MR1: variants seen among roughly 807,000 people sequenced by gnomAD.
The protein encoded by MR1 is major histocompatibility complex, class I-related.
In MR1, 44 loss-of-function variants were observed where a neutral mutation model predicts 37.8. The ratio of observed to expected loss-of-function variants is 1.16; its 90% CI spans 0.91 to 1.50. The LOEUF is 1.50. MR1 is among the 40% of genes most tolerant of loss of function. MR1 has a pLI of 0.00. For synonymous variants in MR1, 153 were observed against 155.8 expected (o/e 0.98, Z 0.13); for missense variants, 386 against 419.1 (o/e 0.92, Z 0.69).
At chr1:181,037,043 T>G (rs960177557) in intron 1 of MR1, 32 of 152,366 alleles carry the variant, frequency 2.1e-4, no homozygotes, top group African/African-American at 7.7e-4. Context: ...GTAATCAGAC[T>G]GGGGGCTGGC....
rs116404202 is a variant in MR1, at chr1:181,043,546, C to T, written c.68-5506C>T. Among the ~76,000 whole-genome samples the T allele has an allele frequency of 9.3e-3, 1,384 of 149,484 alleles. 19 individuals are homozygous for T. The highest frequency in any genetic ancestry group is 0.034 in the African/African-American group (1,333 of 39,732). On this transcript the variant is annotated intron_variant, in intron 1 of 5. Coordinates refer to ENST00000367580, the MANE Select transcript of MR1 (RefSeq NM_001385161.1). ...GAGACCAGCCTGGGCAACACAGACC[C>T]TGTCTCTATTAAAAAGAAGTGGTGA...
intron 1 of MR1, among the ~76,000 whole-genome samples, chr1:181,036,508 G>A (rs6692913): frequency 0.29 from 44,821 of 152,060 alleles, 6,885 homozygotes; most frequent in Non-Finnish European, 0.33. Context: ...AGCCCTGAGT[G>A]GGAGCTATAT....
intron 3 of MR1, 81 bp from the exon 4 acceptor site, chr1:181,052,154 A>G (rs773809410): frequency 3.2e-5 from 47 of 1,485,112 alleles, no homozygotes; most frequent in Non-Finnish European, 4.2e-5. Context: ...AAGAAAAATT[A>G]GGAAAGCCAG....
Position 181,060,093 on chromosome 1 carries a change from C to T in MR1, c.*4828C>T, listed in dbSNP as rs118029207. On this transcript the variant is annotated 3_prime_UTR_variant, in exon 6 of 6. Transcript: ENST00000367580. ...TGAAGTGTTGGCAGAAACATGCTGCCTCTAAAGGGACTGGGAAAGGATCTG... is the reference window on the plus strand; with the variant it reads ...TGAAGTGTTGGCAGAAACATGCTGCTTCTAAAGGGACTGGGAAAGGATCTG... The T allele has an allele frequency of 1.3e-5, 2 of 152,134 alleles. No individual in the cohort carries two copies. The highest frequency in any genetic ancestry group is 3.9e-4 in the East Asian group (2 of 5,148). 9.4% of individuals were successfully genotyped at this position (152,134 alleles called of 1,614,324 possible).
chr1:181,037,716 A>C (rs1375657472), intron 1 of MR1, among the ~76,000 whole-genome samples: 1 of 152,234 alleles, frequency 6.6e-6, no homozygotes, highest in Non-Finnish European at 1.5e-5. Flanking sequence ...TATACATATT[A>C]AGTCACATTT....
chr1:181,045,493 C>T (rs189937977), intron 1 of MR1, among the ~76,000 whole-genome samples: 2 of 152,196 alleles, frequency 1.3e-5, no homozygotes, highest in African/African-American at 4.8e-5. Flanking sequence ...CTCCTGCTTG[C>T]ACATGTGGTC....
In MR1 at chr1:181,038,061, C is replaced by A. The variant is rs558565656; in HGVS notation, c.67+3987C>A. On this transcript the variant is annotated intron_variant, in intron 1 of 5. Transcript: ENST00000367580. ...TTATATATGTATTTATTGCCAATCT[C>A]CTGTCTAGAAATTATCTCACAGGGC... Among the ~76,000 whole-genome samples, 155 of 152,336 alleles carry A rather than the reference C, an allele frequency of 1.0e-3. 1 individual carries two copies. In the South Asian group the frequency reaches 0.02, roughly 20 times the overall value.
At chr1:181,047,618 C>T (rs963754359) in intron 1 of MR1, among the ~76,000 whole-genome samples, 1 of 144,840 alleles carries the variant, frequency 6.9e-6, no homozygotes, top group Non-Finnish European at 1.5e-5. Flanking sequence ...AATAAATAGG[C>T]TGGGCACGGT....
Position 181,052,538 on chromosome 1 carries a change from G to T in MR1, c.880+28G>T, listed in dbSNP as rs1187305643. On this transcript the variant is annotated intron_variant, in intron 4 of 5. Transcript: ENST00000367580. ...AAGGACGGGGATCGTGGCTGTCTAG[G>T]GAGAGAGCCTGGAGAAAGGGGTGAG... 2.5e-6 allele frequency: 4 copies of T among 1,600,934 alleles called. No individual in the cohort carries two copies. In the East Asian group the frequency reaches 6.7e-5, roughly 27 times the overall value.
At chr1:181,033,943 C>A (rs1204201068), upstream of MR1, 3 of 1,422,666 alleles carry the variant, frequency 2.1e-6, no homozygotes, top group African/African-American at 2.9e-5. Context: ...CCTTGTGTGT[C>A]ACCAAGAGGT....
At position 181,049,038 on chromosome 1, in the gene MR1, T is replaced by C. The variant is rs1658112528; in HGVS notation, c.68-14T>C. The stretch of plus-strand genomic sequence containing the variant: ...TGGGACCCTACATGTCTTCCTTCTT[T>C]GCCTCCTTTCCAGGGACGCACTCTC... On this transcript the variant is annotated splice_polypyrimidine_tract_variant and intron_variant, in intron 1 of 5. Coordinates refer to ENST00000367580, the MANE Select transcript of MR1 (RefSeq NM_001385161.1). 2 of 1,610,866 alleles carry C rather than the reference T, an allele frequency of 1.2e-6. No homozygotes were observed. Among genetic ancestry groups the C allele is most frequent in the African/African-American group, 1.3e-5 (1 of 74,840 alleles).
At chr1:181,037,191 C>G (rs547726162) in intron 1 of MR1, 1 of 152,312 alleles carries the variant, frequency 6.6e-6, no homozygotes, top group East Asian at 1.9e-4. Flanking sequence ...TGGTGGAGTC[C>G]TTCACAGGCG....
chr1:181,052,115 A>G lies in MR1; in HGVS notation c.605-120A>G, dbSNP rs573659546. 4.3e-6 allele frequency: 5 copies of G among 1,158,298 alleles called. No individual in the cohort carries two copies. The Admixed American group carries it at 1.3e-4, about 31-fold the overall frequency. 71.8% of individuals were successfully genotyped at this position (1,158,298 alleles called of 1,614,324 possible). A position where few individuals can be genotyped will look rare whatever the true frequency, so the allele number is the denominator to read the frequency against. ...TGTTGATGAACCTGAGTTCTGGGTC[A>G]TTCTTAGCTTTAGAAGTTTCCTGCA... On this transcript the variant is annotated intron_variant, in intron 3 of 5. Transcript: ENST00000367580.
At position 181,055,289 on chromosome 1, in the gene MR1, CT is replaced by C. The variant is rs771831095; in HGVS notation, c.*25del. The C allele has an allele frequency of 3.7e-6, 6 of 1,603,428 alleles. No individual in the cohort carries two copies. Among genetic ancestry groups the C allele is most frequent in the Non-Finnish European group, 5.1e-6 (6 of 1,170,498 alleles). ...GATTGCAGATCCCTCTTTTCCAGTT[CT>C]CCTTCCTCTAGGAGCCATGTTATCC... On this transcript the variant is annotated 3_prime_UTR_variant, in exon 6 of 6. Transcript: ENST00000367580.
intron 3 of MR1, among the ~76,000 whole-genome samples, chr1:181,051,424 C>A (rs1658314836): frequency 6.6e-6 from 1 of 152,014 alleles, no homozygotes; most frequent in Admixed American, 6.6e-5. Flanking sequence ...GGTAAAGAGA[C>A]AAGGAAAGCA....
At chr1:181,036,058 G>A (rs1266864110) in intron 1 of MR1, among the ~76,000 whole-genome samples, 1 of 152,012 alleles carries the variant, frequency 6.6e-6, no homozygotes, top group Admixed American at 6.6e-5. Context: ...TGAAAGGAGA[G>A]ATGTCAGAGA....
Position 181,038,634 on chromosome 1 carries a change from G to A in MR1, c.67+4560G>A, listed in dbSNP as rs141146556. 1.9e-4 allele frequency among the ~76,000 whole-genome samples: 29 copies of A among 152,308 alleles called. No homozygotes were observed. The Middle Eastern group carries it at 0.01, about 54-fold the overall frequency. On this transcript the variant is annotated intron_variant, in intron 1 of 5. Coordinates refer to ENST00000367580, the MANE Select transcript of MR1 (RefSeq NM_001385161.1). ...ACACAAGGGGGCAGGAGAGAGCAGT[G>A]ATAATCCAGGGGCTAGAAGCCTGGC...
intron 3 of MR1, 71 bp from the exon 4 acceptor site, chr1:181,052,164 G>T: frequency 6.6e-7 from 1 of 1,519,712 alleles, no homozygotes; most frequent in Non-Finnish European, 8.8e-7. Flanking sequence ...AGGAAAGCCA[G>T]TTGCCAAGTT....
chr1:181,055,296 C>T lies in MR1; in HGVS notation c.*31C>T, dbSNP rs768904478. On this transcript the variant is annotated 3_prime_UTR_variant, in exon 6 of 6. Transcript: ENST00000367580. ...GATCCCTCTTTTCCAGTTCTCCTTCCTCTAGGAGCCATGTTATCCTCTGTC... is the reference window on the plus strand; with the variant it reads ...GATCCCTCTTTTCCAGTTCTCCTTCTTCTAGGAGCCATGTTATCCTCTGTC... 1.9e-6 allele frequency: 3 copies of T among 1,588,044 alleles called. No individual in the cohort carries two copies. The African/African-American group carries it at 4.0e-5, about 21-fold the overall frequency.
Sources: allele counts gnomAD v4.1 joint callset (sites outside exome capture counted in the v4.1 genomes callset), GRCh38; gene constraint gnomAD v4.1.1; transcripts MANE v1.5; gene names NCBI Gene and HGNC (gene_info 2026-07-23, HGNC 2026-07-21).